The following SOX5 variants were observed in gnomAD, a reference collection of about 807,000 sequenced individuals.
The protein encoded by SOX5 is SRY-box transcription factor 5.
SOX5 carries 9 observed loss-of-function variants against 92.0 expected under a neutral mutation model. The ratio of observed to expected loss-of-function variants is 0.10; its 90% CI spans 0.06 to 0.17. The LOEUF is 0.17. Among genes scored for constraint, SOX5 ranks in the 10% least tolerant of loss-of-function variants. The pLI, the probability that SOX5 is intolerant of heterozygous loss-of-function variation, is 1.00. For synonymous variants in SOX5, 344 were observed against 336.3 expected (o/e 1.02, Z -0.25); for missense variants, 642 against 944.5 (o/e 0.68, Z 4.20).
intron 4 of SOX5, among the ~76,000 whole-genome samples, chr12:24,049,429 A>G (rs1019574960): frequency 1.3e-5 from 2 of 152,208 alleles, no homozygotes; most frequent in Admixed American, 6.5e-5. Flanking sequence ...AGAACAACTG[A>G]AACAGTGAGA....
Position 24,068,680 on chromosome 12 carries a change from A to ATGTGTGTGTGTGTGTGTG in SOX5, c.-2+144645_-2+144662dup, listed in dbSNP as rs367765179. Among the ~76,000 whole-genome samples, 344 of 62,720 alleles carry ATGTGTGTGTGTGTGTGTG rather than the reference A, an allele frequency of 5.5e-3. 15 individuals carry two copies. Among genetic ancestry groups the ATGTGTGTGTGTGTGTGTG allele is most frequent in the South Asian group, 0.015 (12 of 788 alleles). The allele number at this position is 62,720 out of a possible 152,430, so 41.1% of individuals were successfully genotyped here. The stretch of plus-strand genomic sequence containing the variant: ...TTATTTTTAGAAAGGTCAAAGTCGT[A>ATGTGTGTGTGTGTGTGTG]TGTGTGTGTGTGTGTGTGTGTGTGT... On this transcript the variant is annotated intron_variant, in intron 4 of 4. Transcript: ENST00000446891.
At chr12:24,562,091 G>T (rs1376726674) in intron 1 of SOX5, among the ~76,000 whole-genome samples, 1 of 152,182 alleles carries the variant, frequency 6.6e-6, no homozygotes, top group African/African-American at 2.4e-5. Flanking sequence ...GGATGACAGG[G>T]CCACTCCGCG....
At chr12:24,167,894 A>C (rs2139080593) in intron 4 of SOX5, among the ~76,000 whole-genome samples, 1 of 152,332 alleles carries the variant, frequency 6.6e-6, no homozygotes, top group East Asian at 1.9e-4. Context: ...AAAGGGAAAG[A>C]GCCAGGGTGC....
intron 2 of SOX5, among the ~76,000 whole-genome samples, chr12:23,874,654 C>G (rs2096908383): frequency 6.6e-6 from 1 of 151,978 alleles, no homozygotes; most frequent in Non-Finnish European, 1.5e-5. Flanking sequence ...ATAGATGATC[C>G]CAAGATGATG....
At chr12:24,539,002 A>G (rs1040165979) in intron 1 of SOX5, among the ~76,000 whole-genome samples, 3 of 152,174 alleles carry the variant, frequency 2.0e-5, no homozygotes, top group Non-Finnish European at 2.9e-5. Flanking sequence ...GTTTGTTGTC[A>G]AAAAGTCATG....
chr12:23,848,290 G>GAT (rs1281513912), intron 2 of SOX5, among the ~76,000 whole-genome samples: 16 of 152,078 alleles, frequency 1.1e-4, no homozygotes, highest in Admixed American at 1.0e-3. Context: ...AAAATATCCA[G>GAT]ATAAGGTATC....
chr12:23,730,302 A>C (rs2093343914), intron 6 of SOX5, among the ~76,000 whole-genome samples: 1 of 152,204 alleles, frequency 6.6e-6, no homozygotes, highest in Non-Finnish European at 1.5e-5. Context: ...ATATGCATTA[A>C]AGTTAGCTTG....
intron 4 of SOX5, among the ~76,000 whole-genome samples, chr12:24,031,570 T>C (rs1363808078): frequency 6.6e-6 from 1 of 151,794 alleles, no homozygotes; most frequent in Non-Finnish European, 1.5e-5. Flanking sequence ...TCAAAAAATA[T>C]ATTTTAAAAA....
chr12:23,643,352 G>C (rs142092606), intron 7 of SOX5, among the ~76,000 whole-genome samples: 4 of 152,130 alleles, frequency 2.6e-5, no homozygotes, highest in African/African-American at 7.2e-5. Context: ...GTGTTGTTGC[G>C]GGGAAGGAAC....
At chr12:24,002,079 T>C (rs1951664541) in intron 4 of SOX5, among the ~76,000 whole-genome samples, 1 of 152,096 alleles carries the variant, frequency 6.6e-6, no homozygotes, top group African/African-American at 2.4e-5. Flanking sequence ...AATATATAGC[T>C]TTAAGCACTA....
chr12:23,696,908 T>C (rs1055005843), intron 6 of SOX5, among the ~76,000 whole-genome samples: 5 of 152,144 alleles, frequency 3.3e-5, no homozygotes, highest in African/African-American at 1.2e-4. Context: ...TTTCCAGATA[T>C]TGTTTGCTTA....
chr12:24,300,789 G>A (rs1473960513), intron 2 of SOX5, among the ~76,000 whole-genome samples: 1 of 152,210 alleles, frequency 6.6e-6, no homozygotes, highest in African/African-American at 2.4e-5. Flanking sequence ...AGAACCCAGT[G>A]TTAGGATTTT....
chr12:24,478,994 G>A (rs956788194), intron 1 of SOX5, among the ~76,000 whole-genome samples: 21 of 152,046 alleles, frequency 1.4e-4, no homozygotes, highest in Admixed American at 9.8e-4. Context: ...TCTACTCTTC[G>A]AGCTCCATTT....
chr12:24,263,527 C>CAAAAA (rs386375915), intron 3 of SOX5, among the ~76,000 whole-genome samples: 1,273 of 63,000 alleles, frequency 0.02, 229 homozygotes, highest in African/African-American at 0.024. Flanking sequence ...GACTCCGTCT[C>CAAAAA]AAAAAAAAAA....
chr12:24,390,788 G>A (rs1266181737), intron 1 of SOX5, among the ~76,000 whole-genome samples: 1 of 152,044 alleles, frequency 6.6e-6, no homozygotes, highest in African/African-American at 2.4e-5. Context: ...TGTGGCATGT[G>A]TACATATGTG....
At chr12:24,108,632 A>G (rs932557068) in intron 4 of SOX5, among the ~76,000 whole-genome samples, 2 of 152,176 alleles carry the variant, frequency 1.3e-5, no homozygotes, top group African/African-American at 2.4e-5. Flanking sequence ...CAAGTGGAAT[A>G]GACATTTGTT....
intron 2 of SOX5, among the ~76,000 whole-genome samples, chr12:24,363,414 T>A (rs1475853516): frequency 1.3e-5 from 2 of 152,110 alleles, no homozygotes; most frequent in African/African-American, 4.8e-5. Flanking sequence ...TCTGTATACA[T>A]CTCAGTTAGG....
At chr12:24,128,189 C>T (rs981005491) in intron 4 of SOX5, among the ~76,000 whole-genome samples, 4 of 152,102 alleles carry the variant, frequency 2.6e-5, no homozygotes, top group African/African-American at 4.8e-5. Flanking sequence ...TATTATCATA[C>T]ACAAGGATAT....
At chr12:23,534,704 C>CTTTTTTTTTTTTTTTTTTTT (rs60460683) in intron 14 of SOX5, among the ~76,000 whole-genome samples, 182 bp from the exon 15 acceptor site, 6 of 108,818 alleles carry the variant, frequency 5.5e-5, no homozygotes, top group African/African-American at 6.8e-5. Context: ...CTTTTCTTTT[C>CTTTTTTTTTTTTTTTTTTTT]TTTTTTTTTT....
Sources: allele counts gnomAD v4.1 joint callset (sites outside exome capture counted in the v4.1 genomes callset), GRCh38; gene constraint gnomAD v4.1.1; transcripts MANE v1.5; gene names NCBI Gene and HGNC (gene_info 2026-07-23, HGNC 2026-07-21).